The following CLCC1 variants were observed in gnomAD, a reference collection of about 807,000 sequenced individuals.
CLCC1 encodes the protein chloride channel CLIC like 1, also known as chloride channel CLIC-like protein 1.
In CLCC1, 39 loss-of-function variants were observed where a neutral mutation model predicts 63.3. The observed-to-expected ratio is 0.62, with a 90% confidence interval of 0.48 to 0.81. The LOEUF is 0.81. Ranked by LOEUF, CLCC1 falls within the 30% of genes least tolerant of loss-of-function variation. The probability of loss-of-function intolerance (pLI) is 0.00; values close to 1 mark genes in which losing one functional copy is unlikely to be tolerated. For missense variants in CLCC1, 549 were observed against 669.4 expected (o/e 0.82, Z 1.98); for synonymous variants, 217 against 239.8 (o/e 0.90, Z 0.88).
chr1:108,939,577 G>C (rs1653546486), intron 10 of CLCC1, 59 bp downstream of exon 10: 4 of 1,518,796 alleles, frequency 2.6e-6, no homozygotes, highest in Non-Finnish European at 3.6e-6. Context: ...CCAAAGTGCT[G>C]GGATTACAGG....
Position 108,958,116 on chromosome 1 carries a change from C to T in CLCC1, c.-12+4193G>A, listed in dbSNP as rs537944451. Reference sequence around the variant, plus strand: ...AGCAAACTGACCCCTGGATTTGGTACAGCAGCTTTAACAGAGAAAGCCTAC... The same window carrying T: ...AGCAAACTGACCCCTGGATTTGGTATAGCAGCTTTAACAGAGAAAGCCTAC... On this transcript the variant is annotated intron_variant, in intron 2 of 12. Transcript: ENST00000369969. Among the ~76,000 whole-genome samples the T allele has an allele frequency of 1.2e-4, 18 of 151,432 alleles. 2 individuals are homozygous for T. The highest frequency in any genetic ancestry group is 4.4e-4 in the African/African-American group (18 of 40,748).
In CLCC1 at chr1:108,931,067, T is replaced by C. The variant is rs1651868336; in HGVS notation, c.*1480A>G. The C allele has an allele frequency of 3.7e-6, 1 of 267,358 alleles. No individual in the cohort carries two copies. The highest frequency in any genetic ancestry group is 5.0e-5 in the Admixed American group (1 of 20,054). 16.6% of individuals were successfully genotyped at this position (267,358 alleles called of 1,614,324 possible). On this transcript the variant is annotated 3_prime_UTR_variant, in exon 13 of 13. Transcript: ENST00000369969. ...ACCCTGTCTCTAGAAAACAAGTATC[T>C]TTTGTGTGTTTTGGGCTGTTTAAAA...
chr1:108,948,856 T>C (rs1654859391), intron 4 of CLCC1, among the ~76,000 whole-genome samples: 1 of 152,122 alleles, frequency 6.6e-6, no homozygotes, highest in Admixed American at 6.5e-5. Flanking sequence ...TTCTTGTGGC[T>C]TCCTCAAATC....
rs749649799 is a variant in CLCC1 at position 108,941,409 on chromosome 1, G to A, written c.792C>T (p.Ile264=). 1.6e-5 allele frequency: 26 copies of A among 1,613,514 alleles called. No individual in the cohort carries two copies. Among genetic ancestry groups the A allele is most frequent in the Non-Finnish European group, 2.2e-5 (26 of 1,179,728 alleles). ...ACAAGTGCACAAACACCTTACCCCA[G>A]ATACTTCCAGTCCAGTCCATCTTTT... ...CAKKMDWTGS[I]WEWFRSSWTY... Residue 264 remains isoleucine (I), a synonymous_variant, in exon 8 of 13, where the codon ATC becomes ATT. Transcript: ENST00000369969.
intron 2 of CLCC1, among the ~76,000 whole-genome samples, chr1:108,960,792 A>T (rs1050404485): frequency 1.3e-5 from 2 of 152,148 alleles, no homozygotes; most frequent in Non-Finnish European, 2.9e-5. Flanking sequence ...AGGGGAAAAA[A>T]GGTACTACAG....
chr1:108,935,060 C>A, intron 11 of CLCC1, 118 bp from the exon 12 acceptor site: 1 of 937,198 alleles, frequency 1.1e-6, no homozygotes, highest in East Asian at 2.6e-5. Flanking sequence ...TCTTTCAAAT[C>A]CAGGGTCCAG....
intron 2 of CLCC1, among the ~76,000 whole-genome samples, chr1:108,952,713 T>C (rs1198094674): frequency 2.0e-5 from 3 of 151,088 alleles, no homozygotes; most frequent in South Asian, 4.2e-4. Flanking sequence ...GGTAGGAGAA[T>C]GGCTTGAACC....
At chr1:108,937,822 C>CT (rs1001787807) in intron 10 of CLCC1, among the ~76,000 whole-genome samples, 1 of 152,122 alleles carries the variant, frequency 6.6e-6, no homozygotes, top group African/African-American at 2.4e-5. Flanking sequence ...TGTACATTTT[C>CT]TTTTTACAAA....
chr1:108,952,097 G>C (rs547502690), intron 2 of CLCC1, among the ~76,000 whole-genome samples: 2 of 150,982 alleles, frequency 1.3e-5, no homozygotes, highest in African/African-American at 4.9e-5. Flanking sequence ...ACTTTAAATG[G>C]GTGGATTATA....
In CLCC1 at chr1:108,937,315, T is replaced by A; in HGVS notation, c.1145A>T (p.Gln382Leu). The A allele has an allele frequency of 6.2e-7, 1 of 1,614,244 alleles. No individual in the cohort carries two copies. Among genetic ancestry groups the A allele is most frequent in the South Asian group, 1.1e-5 (1 of 91,088 alleles). ...ATCAGGTCTATAATCAATTTCCTCC[T>A]GCCGTCTTCTATCCCGTGGCCGAAG... ...QALRPRDRRRQEEIDYRPDGG... is the reference protein window; with the variant it reads ...QALRPRDRRRLEEIDYRPDGG... Residue 382 changes from glutamine (Q) to leucine (L), a missense_variant, in exon 11 of 13, where the codon CAG becomes CTG. Transcript: ENST00000369969.
intron 2 of CLCC1, among the ~76,000 whole-genome samples, chr1:108,961,737 T>C (rs1656665829): frequency 6.6e-6 from 1 of 151,916 alleles, no homozygotes; most frequent in African/African-American, 2.4e-5. Context: ...CGCATGCCTG[T>C]AATCCCAGCT....
chr1:108,958,964 G>A (rs112466881), intron 2 of CLCC1, among the ~76,000 whole-genome samples: 2,583 of 150,590 alleles, frequency 0.017, 217 homozygotes, highest in African/African-American at 0.062. Context: ...ACCCAAGATC[G>A]GGAGTTTGAG....
At chr1:108,938,187 G>C (rs1653303382) in intron 10 of CLCC1, among the ~76,000 whole-genome samples, 1 of 152,116 alleles carries the variant, frequency 6.6e-6, no homozygotes, top group Non-Finnish European at 1.5e-5. Flanking sequence ...GCTGTTTGTG[G>C]GCTTCAATTT....
chr1:108,941,281 GTTC>G, intron 8 of CLCC1, 121 bp downstream of exon 8: 1 of 860,414 alleles, frequency 1.2e-6, no homozygotes, highest in Non-Finnish European at 1.8e-6. Flanking sequence ...CTTCTTGCAT[GTTC>G]TTCTGATATT....
intron 12 of CLCC1, 91 bp downstream of exon 12, chr1:108,934,534 T>C (rs1652565920): frequency 3.1e-6 from 3 of 969,610 alleles, no homozygotes; most frequent in Non-Finnish European, 3.0e-6. Flanking sequence ...AATGTGAATG[T>C]TGAAGTTGAA....
At chr1:108,956,989 G>A (rs1656002437) in intron 2 of CLCC1, among the ~76,000 whole-genome samples, 1 of 150,774 alleles carries the variant, frequency 6.6e-6, no homozygotes, top group South Asian at 2.1e-4. Context: ...TTAAATAGGG[G>A]CGTGATAGAA....
At chr1:108,944,562 A>T (rs1464094190) in intron 5 of CLCC1, among the ~76,000 whole-genome samples, 1 of 152,118 alleles carries the variant, frequency 6.6e-6, no homozygotes, top group Non-Finnish European at 1.5e-5. Context: ...AAAATTCTAG[A>T]ACTCTATGTA....
chr1:108,937,478 A>G, intron 10 of CLCC1, 60 bp from the exon 11 acceptor site: 3 of 1,358,744 alleles, frequency 2.2e-6, no homozygotes, highest in Non-Finnish European at 3.0e-6. Flanking sequence ...AAAAGTTATG[A>G]GGCATTTTAT....
intron 8 of CLCC1, among the ~76,000 whole-genome samples, 164 bp downstream of exon 8, chr1:108,941,241 T>C (rs1178263595): frequency 6.6e-6 from 1 of 152,174 alleles, no homozygotes; most frequent in Non-Finnish European, 1.5e-5. Flanking sequence ...TAGATGAGCA[T>C]AAAAAGTCAC....
Sources: gnomAD v4.1 joint callset for allele counts (sites outside exome capture counted in the v4.1 genomes callset) on GRCh38, gnomAD v4.1.1 for gene constraint, MANE v1.5 for transcripts, NCBI Gene and HGNC (gene_info 2026-07-23, HGNC 2026-07-21) for gene names.